Variants in CTNNA3 observed in about 807,000 individuals in gnomAD.
CTNNA3 encodes catenin alpha-3.
In CTNNA3, 76 loss-of-function variants were observed where a neutral mutation model predicts 95.7. That is an observed-to-expected ratio of 0.79 (90% CI 0.66 to 0.96). The LOEUF is 0.96. CTNNA3 is among the 40% of genes least tolerant of loss of function. The pLI is 0.00. For synonymous variants in CTNNA3, 431 were observed against 374.4 expected (o/e 1.15, Z -1.74); for missense variants, 1,191 against 1,089.8 (o/e 1.09, Z -1.31).
chr10:66,712,816 A>G (rs1400697836), intron 9 of CTNNA3, among the ~76,000 whole-genome samples: 4 of 152,174 alleles, frequency 2.6e-5, no homozygotes, highest in African/African-American at 9.7e-5. Context: ...ACATTCAGCT[A>G]CCTATGCTAG....
intron 1 of CTNNA3, among the ~76,000 whole-genome samples, chr10:67,745,135 T>G (rs1841366910): frequency 6.6e-6 from 1 of 152,082 alleles, no homozygotes; most frequent in Admixed American, 6.5e-5. Context: ...GAAATACCAT[T>G]TGACCCAGCC....
chr10:66,503,328 G>A (rs1840342554), intron 11 of CTNNA3, among the ~76,000 whole-genome samples: 1 of 152,124 alleles, frequency 6.6e-6, no homozygotes, highest in Non-Finnish European at 1.5e-5. Flanking sequence ...GTTAATAAAT[G>A]AGTACATGAA....
At chr10:66,583,563 T>G (rs778844261) in intron 10 of CTNNA3, among the ~76,000 whole-genome samples, 6 of 151,890 alleles carry the variant, frequency 4.0e-5, no homozygotes, top group Non-Finnish European at 8.8e-5. Flanking sequence ...CTTATTTGGA[T>G]CTTCTCTCTT....
At chr10:67,657,347 T>G (rs1464505881) in intron 1 of CTNNA3, among the ~76,000 whole-genome samples, 1 of 152,098 alleles carries the variant, frequency 6.6e-6, no homozygotes, top group Non-Finnish European at 1.5e-5. Context: ...AAGAGAAATC[T>G]GAAATGAAAA....
intron 5 of CTNNA3, among the ~76,000 whole-genome samples, chr10:67,250,540 T>C (rs1387516057): frequency 6.6e-6 from 1 of 152,074 alleles, no homozygotes; most frequent in Non-Finnish European, 1.5e-5. Flanking sequence ...TTTATACACA[T>C]GGGTTCCGCA....
intron 7 of CTNNA3, among the ~76,000 whole-genome samples, chr10:67,036,834 T>C (rs1031524032): frequency 6.6e-6 from 1 of 152,002 alleles, no homozygotes; most frequent in African/African-American, 2.4e-5. Context: ...GGGAAATGAA[T>C]ATTAAAGTAG....
At chr10:66,095,641 G>A (rs1328898499) in intron 14 of CTNNA3, among the ~76,000 whole-genome samples, 1 of 151,966 alleles carries the variant, frequency 6.6e-6, no homozygotes, top group Non-Finnish European at 1.5e-5. Flanking sequence ...TCAGGTAACT[G>A]CATGTAAACA....
chr10:66,288,179 T>C (rs905037126), intron 12 of CTNNA3, among the ~76,000 whole-genome samples: 14 of 152,132 alleles, frequency 9.2e-5, no homozygotes, highest in Non-Finnish European at 1.8e-4. Context: ...AAACACATCT[T>C]AATTTGCCTA....
chr10:66,018,221 A>AT (rs1466949962), intron 15 of CTNNA3, among the ~76,000 whole-genome samples: 3 of 46,884 alleles, frequency 6.4e-5, no homozygotes, highest in Non-Finnish European at 1.3e-4. Context: ...CACACACACT[A>AT]TTTTATTGGC....
intron 7 of CTNNA3, among the ~76,000 whole-genome samples, chr10:66,970,396 G>GT (rs1489981306): frequency 2.0e-5 from 3 of 151,868 alleles, no homozygotes; most frequent in African/African-American, 7.2e-5. Flanking sequence ...CAGCAGATAT[G>GT]TAACAATTAT....
intron 5 of CTNNA3, among the ~76,000 whole-genome samples, chr10:67,423,474 C>T (rs1265896326): frequency 1.3e-5 from 2 of 152,112 alleles, no homozygotes; most frequent in East Asian, 3.9e-4. Context: ...AGAAGTCAGC[C>T]TGAGAACAGA....
At chr10:66,089,214 G>T (rs2081116109) in intron 14 of CTNNA3, among the ~76,000 whole-genome samples, 1 of 151,542 alleles carries the variant, frequency 6.6e-6, no homozygotes, top group Non-Finnish European at 1.5e-5. Context: ...GCCCTTTGTT[G>T]TTGTTGTTTA....
chr10:67,018,746 T>A (rs1356759139), intron 7 of CTNNA3, among the ~76,000 whole-genome samples: 1 of 152,230 alleles, frequency 6.6e-6, no homozygotes, highest in East Asian at 1.9e-4. Context: ...AAGGTTTTGT[T>A]GTGAAGATTA....
At chr10:67,698,671 G>C (rs1841008843), upstream of CTNNA3, among the ~76,000 whole-genome samples, 2 of 152,110 alleles carry the variant, frequency 1.3e-5, no homozygotes, top group Non-Finnish European at 1.5e-5. Context: ...GTAATTTTCT[G>C]AACAGCCATA....
At chr10:66,860,223 T>G (rs530451052) in intron 7 of CTNNA3, among the ~76,000 whole-genome samples, 2 of 152,076 alleles carry the variant, frequency 1.3e-5, no homozygotes, top group African/African-American at 4.8e-5. Context: ...TCTAAAAGAA[T>G]TGACTTCTTA....
At position 67,571,463 on chromosome 10, in the gene CTNNA3, T is replaced by C. The variant is rs75768164; in HGVS notation, c.293-31794A>G. Reference sequence around the variant, plus strand: ...AAGTGTTTCTAGAAATGTTAAGAACTCTTCTGTAAGAAAAACATTAAGTAA... The same window carrying C: ...AAGTGTTTCTAGAAATGTTAAGAACCCTTCTGTAAGAAAAACATTAAGTAA... On this transcript the variant is annotated intron_variant, in intron 3 of 17. Coordinates refer to ENST00000433211, the MANE Select transcript of CTNNA3 (RefSeq NM_013266.4). 5.1e-3 allele frequency among the ~76,000 whole-genome samples: 775 copies of C among 152,350 alleles called. 23 individuals are homozygous for C. The East Asian group carries it at 0.077, about 15-fold the overall frequency.
At position 66,770,050 on chromosome 10, in the gene CTNNA3, T is replaced by G. The variant is rs566565717; in HGVS notation, c.1129-3634A>C. On this transcript the variant is annotated intron_variant, in intron 8 of 17. Coordinates refer to ENST00000433211, the MANE Select transcript of CTNNA3 (RefSeq NM_013266.4). ...CCAATGTCTTATGTAAACTACTCAT[T>G]GCTAATTATACTCTACTACCTTGGC... Among the ~76,000 whole-genome samples the G allele has an allele frequency of 7.2e-5, 11 of 152,328 alleles. No individual in the cohort carries two copies. The South Asian group carries it at 2.3e-3, about 32-fold the overall frequency.
chr10:66,315,866 T>C (rs761295792), intron 12 of CTNNA3, among the ~76,000 whole-genome samples: 1 of 152,104 alleles, frequency 6.6e-6, no homozygotes, highest in Non-Finnish European at 1.5e-5. Context: ...TAAACAATAC[T>C]ATCTTAAGCC....
chr10:67,242,858 TAGC>T (rs1288705743), intron 5 of CTNNA3, among the ~76,000 whole-genome samples: 1 of 152,198 alleles, frequency 6.6e-6, no homozygotes, highest in Non-Finnish European at 1.5e-5. Flanking sequence ...AACACTCCAA[TAGC>T]AGGAGATTTC....
Sources: gnomAD v4.1 joint callset for allele counts (sites outside exome capture counted in the v4.1 genomes callset) on GRCh38, gnomAD v4.1.1 for gene constraint, MANE v1.5 for transcripts, NCBI Gene and HGNC (gene_info 2026-07-23, HGNC 2026-07-21) for gene names.